PPP3CA: variants seen among roughly 807,000 people sequenced by gnomAD.
The protein encoded by PPP3CA is protein phosphatase 3 catalytic subunit alpha.
PPP3CA carries 14 observed loss-of-function variants against 66.5 expected under a neutral mutation model. The ratio of observed to expected loss-of-function variants is 0.21; its 90% CI spans 0.14 to 0.33. The LOEUF (loss-of-function observed/expected upper bound fraction) is 0.33. Among genes scored for constraint, PPP3CA ranks in the 10% least tolerant of loss-of-function variants. The pLI, the probability that PPP3CA is intolerant of heterozygous loss-of-function variation, is 1.00. For missense variants in PPP3CA, 317 were observed against 639.5 expected, an observed-to-expected ratio of 0.50 and a Z score of 5.44; for synonymous variants, 232 against 226.2, an observed-to-expected ratio of 1.03 and a Z score of -0.23.
At chr4:101,062,453 T>C (rs950370839) in intron 9 of PPP3CA, among the ~76,000 whole-genome samples, 9 of 151,978 alleles carry the variant, frequency 5.9e-5, no homozygotes, top group African/African-American at 1.4e-4. Context: ...CTGATACTTA[T>C]AGGAACATTT....
chr4:101,267,487 C>A (rs1418175996), intron 1 of PPP3CA, among the ~76,000 whole-genome samples: 2 of 152,054 alleles, frequency 1.3e-5, no homozygotes, highest in Non-Finnish European at 2.9e-5. Flanking sequence ...AATTACAGTA[C>A]AGAAACTGTG....
chr4:101,180,683 C>T (rs150667664), intron 2 of PPP3CA, among the ~76,000 whole-genome samples: 1 of 151,958 alleles, frequency 6.6e-6, no homozygotes, highest in African/African-American at 2.4e-5. Context: ...TGAGAGCTAC[C>T]CATAACCTAA....
At position 101,209,842 on chromosome 4, in the gene PPP3CA, C is replaced by G. The variant is rs200545181; in HGVS notation, c.59-13726G>C. Among the ~76,000 whole-genome samples, 7 of 152,036 alleles carry G rather than the reference C, an allele frequency of 4.6e-5. No homozygotes were observed. In the East Asian group the frequency reaches 1.4e-3, roughly 29 times the overall value. Reference sequence around the variant, plus strand: ...TTAGATTTTGTTAGTGACTGATGAACAGGTATCTAAAGAAAGTGAAATATT... The same window carrying G: ...TTAGATTTTGTTAGTGACTGATGAAGAGGTATCTAAAGAAAGTGAAATATT... On this transcript the variant is annotated intron_variant, in intron 1 of 13. Transcript: ENST00000394854.
intron 10 of PPP3CA, among the ~76,000 whole-genome samples, chr4:101,041,851 A>G (rs759648434): frequency 2.6e-5 from 4 of 152,238 alleles, no homozygotes; most frequent in Admixed American, 6.5e-5. Context: ...TAATAGATAT[A>G]CAACAGAATA....
chr4:101,209,202 TAAG>T (rs775158396), intron 1 of PPP3CA, among the ~76,000 whole-genome samples: 5 of 151,972 alleles, frequency 3.3e-5, no homozygotes, highest in Non-Finnish European at 7.4e-5. Flanking sequence ...ATCAAAGAAA[TAAG>T]GAGAAAATAA....
chr4:101,112,634 T>C (rs1467451191), intron 2 of PPP3CA, among the ~76,000 whole-genome samples: 1 of 152,134 alleles, frequency 6.6e-6, no homozygotes, highest in Non-Finnish European at 1.5e-5. Context: ...AGGTATTTTC[T>C]TCCTCGAATT....
At chr4:101,174,953 A>G (rs1724010175) in intron 2 of PPP3CA, among the ~76,000 whole-genome samples, 1 of 152,166 alleles carries the variant, frequency 6.6e-6, no homozygotes, top group South Asian at 2.1e-4. Flanking sequence ...TCCAGGCACT[A>G]TGGCTATAAA....
chr4:101,314,367 A>G (rs1728820036), intron 1 of PPP3CA, among the ~76,000 whole-genome samples: 2 of 152,086 alleles, frequency 1.3e-5, no homozygotes, highest in African/African-American at 4.8e-5. Context: ...GATCAAGACC[A>G]TCCTGGCTAA....
intron 12 of PPP3CA, 149 bp from the exon 13 acceptor site, chr4:101,029,344 TG>T: frequency 1.6e-5 from 1 of 61,930 alleles, no homozygotes. Context: ...AAAACAGAAA[TG>T]CTAAAAAAAA....
chr4:101,248,172 C>G (rs773910140), intron 1 of PPP3CA, among the ~76,000 whole-genome samples: 12 of 152,164 alleles, frequency 7.9e-5, no homozygotes, highest in African/African-American at 2.9e-4. Context: ...ACCAATACTT[C>G]GTTCCTTCCG....
intron 8 of PPP3CA, among the ~76,000 whole-genome samples, chr4:101,069,628 T>C (rs924605450): frequency 2.6e-5 from 4 of 152,308 alleles, no homozygotes; most frequent in Admixed American, 2.0e-4. Context: ...CAATGCAGTT[T>C]TGAACTGCAT....
intron 1 of PPP3CA, among the ~76,000 whole-genome samples, chr4:101,346,358 T>C (rs966955283): frequency 6.6e-6 from 1 of 151,890 alleles, no homozygotes; most frequent in African/African-American, 2.4e-5. Context: ...ATAAACCCGA[T>C]CCCATGCAAG....
intron 8 of PPP3CA, among the ~76,000 whole-genome samples, chr4:101,073,781 TG>T (rs71596319): frequency 3.1e-4 from 47 of 152,216 alleles, no homozygotes; most frequent in African/African-American, 1.1e-3. Context: ...AATTAGGGGT[TG>T]GGGGGATGTC....
Position 101,196,101 on chromosome 4 carries a change from G to A in PPP3CA, c.74C>T (p.Pro25Leu). The change falls in exon 2 of 14, where the codon CCA (proline) becomes CTA (leucine). Residue 25 changes from proline to leucine, a missense_variant. Transcript: ENST00000394854. ...DRVVKAVPFPPSHRLTAKEVF... is the reference protein window; with the variant it reads ...DRVVKAVPFPLSHRLTAKEVF... Reference sequence around the variant, plus strand: ...TTCTTTTGCTGTAAGCCGGTGACTTGGAGGAAATGGAACAGCTGAAAGAAG... The same window carrying A: ...TTCTTTTGCTGTAAGCCGGTGACTTAGAGGAAATGGAACAGCTGAAAGAAG... 1.2e-6 allele frequency: 2 copies of A among 1,613,780 alleles called. No homozygotes were observed. Among genetic ancestry groups the A allele is most frequent in the Non-Finnish European group, 1.7e-6 (2 of 1,179,882 alleles).
At chr4:101,259,911 G>C (rs928442456) in intron 1 of PPP3CA, among the ~76,000 whole-genome samples, 3 of 152,120 alleles carry the variant, frequency 2.0e-5, no homozygotes, top group Non-Finnish European at 2.9e-5. Context: ...TGTTTCCAAA[G>C]TATATGTTTA....
At chr4:101,033,281 C>CACACACACAA (rs1560571130) in intron 11 of PPP3CA, among the ~76,000 whole-genome samples, 1 of 85,768 alleles carries the variant, frequency 1.2e-5, no homozygotes, top group African/African-American at 4.7e-5. Flanking sequence ...TAGAGACACA[C>CACACACACAA]ACACACACAC....
intron 2 of PPP3CA, among the ~76,000 whole-genome samples, chr4:101,182,799 C>T (rs1234508982): frequency 1.3e-5 from 2 of 152,088 alleles, no homozygotes; most frequent in Non-Finnish European, 2.9e-5. Context: ...GGCAGTAGGG[C>T]TTTCTCATGC....
At chr4:101,040,447 A>T (rs751278423) in intron 11 of PPP3CA, 35 bp downstream of exon 11, 7 of 1,473,254 alleles carry the variant, frequency 4.8e-6, no homozygotes, top group Non-Finnish European at 4.6e-6. Flanking sequence ...CACATAATAC[A>T]ATTTGAAACA....
intron 1 of PPP3CA, among the ~76,000 whole-genome samples, chr4:101,196,815 C>G (rs1389569216): frequency 6.6e-6 from 1 of 152,194 alleles, no homozygotes; most frequent in Non-Finnish European, 1.5e-5. Context: ...AGCAATCATT[C>G]TCTCTTCCAC....
Sources: gnomAD v4.1 joint callset for allele counts (sites outside exome capture counted in the v4.1 genomes callset) on GRCh38, gnomAD v4.1.1 for gene constraint, MANE v1.5 for transcripts, NCBI Gene and HGNC (gene_info 2026-07-23, HGNC 2026-07-21) for gene names.